Variants in APLP2 observed in about 807,000 individuals in gnomAD.
APLP2 encodes amyloid beta precursor like protein 2, also known as CDEI box-binding protein.
Under a neutral mutation model 89.9 loss-of-function variants are expected in APLP2, and 53 were observed. The observed-to-expected ratio is 0.59, with a 90% confidence interval of 0.47 to 0.74. The LOEUF (loss-of-function observed/expected upper bound fraction) is 0.74, where lower values mean the gene tolerates loss of function less well. APLP2 is among the 30% of genes least tolerant of loss of function. The probability of loss-of-function intolerance (pLI) is 0.00; values close to 1 mark genes in which losing one functional copy is unlikely to be tolerated. For missense variants in APLP2, 973 were observed against 975.9 expected (o/e 1.00, Z 0.04); for synonymous variants, 372 against 348.6 (o/e 1.07, Z -0.75).
intron 1 of APLP2, among the ~76,000 whole-genome samples, chr11:130,083,329 C>T (rs558742788): frequency 7.2e-5 from 11 of 152,048 alleles, no homozygotes; most frequent in African/African-American, 2.7e-4. Flanking sequence ...GCCACCAAGC[C>T]CTGCCTTAAA....
chr11:130,134,081 T>A (rs1050933670), intron 12 of APLP2, among the ~76,000 whole-genome samples: 2 of 152,216 alleles, frequency 1.3e-5, no homozygotes, highest in Non-Finnish European at 1.5e-5. Flanking sequence ...AATTCTCACC[T>A]CCTCCTCTCC....
chr11:130,105,459 T>C (rs1200095505), intron 1 of APLP2, among the ~76,000 whole-genome samples: 1 of 152,156 alleles, frequency 6.6e-6, no homozygotes, highest in East Asian at 1.9e-4. Flanking sequence ...TTCTTGTTAG[T>C]AGGAAAACCA....
At chr11:130,136,297 TTGTTGC>T (rs1951591940) in intron 13 of APLP2, among the ~76,000 whole-genome samples, 1 of 152,188 alleles carries the variant, frequency 6.6e-6, no homozygotes, top group South Asian at 2.1e-4. Flanking sequence ...TCAGTTCTGT[TTGTTGC>T]TGTTGCTGCT....
At chr11:130,129,359 C>A (rs944670212) in intron 10 of APLP2, among the ~76,000 whole-genome samples, 153 bp downstream of exon 10, 1 of 152,188 alleles carries the variant, frequency 6.6e-6, no homozygotes. Flanking sequence ...GTATTACATT[C>A]TAATATCTGT....
intron 13 of APLP2, among the ~76,000 whole-genome samples, chr11:130,138,342 T>C (rs1951879757): frequency 6.6e-6 from 1 of 151,422 alleles, no homozygotes; most frequent in Non-Finnish European, 1.5e-5. Context: ...TTATTCTACT[T>C]GGATATGCCT....
intron 3 of APLP2, among the ~76,000 whole-genome samples, chr11:130,112,066 T>A (rs1433349119): frequency 2.0e-5 from 3 of 152,152 alleles, no homozygotes. Context: ...TGCGGTCAGT[T>A]TCTGAGCCAG....
intron 1 of APLP2, among the ~76,000 whole-genome samples, chr11:130,103,908 G>A (rs1947279853): frequency 6.6e-6 from 1 of 152,200 alleles, no homozygotes; most frequent in Non-Finnish European, 1.5e-5. Flanking sequence ...GAAGCTTTCA[G>A]ACTTAACTAT....
intron 16 of APLP2, among the ~76,000 whole-genome samples, chr11:130,142,831 C>G (rs1489648829): frequency 1.3e-5 from 2 of 152,104 alleles, no homozygotes; most frequent in African/African-American, 4.8e-5. Context: ...CCAGGGTGAT[C>G]TCAAATCCTG....
Position 130,143,509 on chromosome 11 carries a change from TC to T in APLP2, c.*63del. The T allele has an allele frequency of 7.1e-7, 1 of 1,413,440 alleles. No individual in the cohort carries two copies. The highest frequency in any genetic ancestry group is 1.0e-6 in the Non-Finnish European group (1 of 1,001,072). The allele number at this position is 1,413,440 out of a possible 1,614,324, so 87.6% of individuals were successfully genotyped here. ...CAGGTGGGCCGGAAGATCCCACGAT[TC>T]CGATCGACTGCCAAGCAGCAGCCGC... On this transcript the variant is annotated 3_prime_UTR_variant, in exon 17 of 17. Coordinates refer to ENST00000338167, the MANE Select transcript of APLP2 (RefSeq NM_001142276.2).
chr11:130,097,425 G>A lies in APLP2; in HGVS notation c.106-12004G>A, dbSNP rs909612211. On this transcript the variant is annotated intron_variant, in intron 1 of 16. Coordinates refer to ENST00000338167, the MANE Select transcript of APLP2 (RefSeq NM_001142276.2). ...TAGAAATTTAAGGACCAGGTATGGC[G>A]ACTCATGCCTGTAATTCTAACACTT... Among the ~76,000 whole-genome samples, 14 of 152,206 alleles carry A rather than the reference G, an allele frequency of 9.2e-5. No homozygotes were observed. The South Asian group carries it at 1.0e-3, about 11-fold the overall frequency.
chr11:130,110,858 C>T (rs1169711698), intron 3 of APLP2, among the ~76,000 whole-genome samples, 197 bp downstream of exon 3: 2 of 152,134 alleles, frequency 1.3e-5, no homozygotes, highest in East Asian at 1.9e-4. Context: ...ATGGCTAACT[C>T]TGCCTTCCCA....
chr11:130,116,564 C>T (rs894707504), intron 3 of APLP2, among the ~76,000 whole-genome samples: 25 of 152,224 alleles, frequency 1.6e-4, no homozygotes, highest in Non-Finnish European at 3.1e-4. Context: ...TGGCTGACTG[C>T]GGCCTTGGTC....
rs1297701005 is a variant in APLP2 at position 130,110,649 on chromosome 11, T to C, written c.391T>C (p.Phe131Leu). The change falls in exon 3 of 17, where the codon TTC becomes CTC. Residue 131 changes from phenylalanine (F) to leucine (L), a missense_variant. Phe to Leu is a conservative substitution (Grantham distance 22). Coordinates refer to ENST00000338167, the MANE Select transcript of APLP2 (RefSeq NM_001142276.2). ...ATGCAAGAGTCGCTTTGTTACACCTTTCAAGTGTCTCGGTGAGTGTTCTTG... is the reference window on the plus strand; with the variant it reads ...ATGCAAGAGTCGCTTTGTTACACCTCTCAAGTGTCTCGGTGAGTGTTCTTG... The part of the protein sequence containing the change: ...KQCKSRFVTP[F>L]KCLVGEFVSD... 1 of 1,613,398 alleles carries C rather than the reference T, an allele frequency of 6.2e-7. No homozygotes were observed. The highest frequency in any genetic ancestry group is 2.2e-5 in the East Asian group (1 of 44,854).
intron 11 of APLP2, among the ~76,000 whole-genome samples, chr11:130,130,665 GA>G (rs1451725416): frequency 1.3e-5 from 2 of 152,180 alleles, no homozygotes; most frequent in African/African-American, 4.8e-5. Flanking sequence ...TCATAAAAAT[GA>G]GCTTGCCTAC....
intron 1 of APLP2, among the ~76,000 whole-genome samples, chr11:130,078,736 C>T (rs1041736911): frequency 1.8e-4 from 27 of 152,018 alleles, no homozygotes; most frequent in African/African-American, 4.8e-4. Flanking sequence ...CCCTTCTGCT[C>T]GGCTCTGTCA....
intron 1 of APLP2, among the ~76,000 whole-genome samples, chr11:130,077,844 G>A (rs7116632): frequency 0.26 from 39,431 of 152,122 alleles, 7,820 homozygotes; most frequent in African/African-American, 0.55. Flanking sequence ...AGCTGTTTGA[G>A]CTGAAAGTAA....
chr11:130,144,498 T>C lies in APLP2; in HGVS notation c.*1050T>C. ...TCCCTGAAACTGAGTCTGTGGACACTGTGGAAAGCTTTGAACAATTGTGTT... is the reference window on the plus strand; with the variant it reads ...TCCCTGAAACTGAGTCTGTGGACACCGTGGAAAGCTTTGAACAATTGTGTT... On this transcript the variant is annotated 3_prime_UTR_variant, in exon 17 of 17. Coordinates refer to ENST00000338167, the MANE Select transcript of APLP2 (RefSeq NM_001142276.2). 6.6e-6 allele frequency: 1 copy of C among 152,366 alleles called. No individual in the cohort carries two copies. The highest frequency in any genetic ancestry group is 1.5e-5 in the Non-Finnish European group (1 of 68,076). The allele number at this position is 152,366 out of a possible 1,614,324, so 9.4% of individuals were successfully genotyped here. A position where few individuals can be genotyped will look rare whatever the true frequency, so the allele number is the denominator to read the frequency against.
Position 130,134,348 on chromosome 11 carries a change from G to A in APLP2, c.1684+620G>A, listed in dbSNP as rs540263261. 3.9e-5 allele frequency among the ~76,000 whole-genome samples: 6 copies of A among 152,326 alleles called. 1 individual carries two copies. In the East Asian group the frequency reaches 1.2e-3, roughly 29 times the overall value. On this transcript the variant is annotated intron_variant, in intron 12 of 16. Coordinates refer to ENST00000338167, the MANE Select transcript of APLP2 (RefSeq NM_001142276.2). ...CGGTGGCCTGAGATCCGAATGGTAA[G>A]ATCACAGCGGGAGAGCACGTTGGTA...
At chr11:130,122,228 G>T in intron 5 of APLP2, 77 bp from the exon 6 acceptor site, 1 of 1,525,336 alleles carries the variant, frequency 6.6e-7, no homozygotes, top group Non-Finnish European at 9.0e-7. Context: ...TTGTGTTTCA[G>T]AATAGAGAAG....
Sources: allele counts gnomAD v4.1 joint callset (sites outside exome capture counted in the v4.1 genomes callset), GRCh38; gene constraint gnomAD v4.1.1; transcripts MANE v1.5; gene names NCBI Gene and HGNC (gene_info 2026-07-23, HGNC 2026-07-21).